Variants in NCF2 observed in about 807,000 individuals in gnomAD.
NCF2 encodes the protein neutrophil cytosolic factor 2.
A neutral mutation model predicts 70.9 loss-of-function variants in NCF2; 45 were observed. The ratio of observed to expected loss-of-function variants is 0.63; its 90% confidence interval spans 0.50 to 0.81. The LOEUF is 0.81. NCF2 is among the 40% of genes least tolerant of loss of function. The pLI, the probability that NCF2 is intolerant of heterozygous loss-of-function variation, is 0.00. For missense variants in NCF2, 522 were observed against 631.6 expected (o/e 0.83, Z 1.86); for synonymous variants, 203 against 233.6 (o/e 0.87, Z 1.19).
chr1:183,563,908 G>T, intron 11 of NCF2, 97 bp downstream of exon 11: 1 of 1,401,982 alleles, frequency 7.1e-7, no homozygotes, highest in East Asian at 2.3e-5. Context: ...CCCTCCCTTT[G>T]GGGCTCTTCC....
In NCF2 at chr1:183,560,137, AG is replaced by A. The variant is rs1671976634; in HGVS notation, c.1426del (p.Leu476TrpfsTer8). On this transcript the variant is annotated frameshift_variant, in exon 14 of 15. Transcript: ENST00000367535. LOFTEE classifies it high-confidence loss of function. Reference protein sequence around the residue: ...FSYEATQPEDLEFQEGDIILV... With the variant: ...FSYEATQPEDXEFQEGDIILV... ...GATTATATCCCCTTCCTGAAACTCC[AG>A]GTCCTCTGGTTGGGTAGCCTCATAA... The A allele has an allele frequency of 1.9e-6, 3 of 1,614,078 alleles. No homozygotes were observed. In the African/African-American group the frequency reaches 4.0e-5, roughly 22 times the overall value.
chr1:183,586,763 G>T (rs1673370872), intron 2 of NCF2, 132 bp downstream of exon 2: 1 of 821,132 alleles, frequency 1.2e-6, no homozygotes, highest in Admixed American at 1.9e-5. Flanking sequence ...TTGCATAACT[G>T]TCCCCAGAAG....
At chr1:183,557,026 A>AT (rs1188307615) in intron 14 of NCF2, among the ~76,000 whole-genome samples, 17 of 152,224 alleles carry the variant, frequency 1.1e-4, no homozygotes, top group African/African-American at 4.1e-4. Context: ...AAATATAAAT[A>AT]TTTTAATAGC....
upstream of NCF2, chr1:183,590,872 A>G (rs2102943461): frequency 5.8e-6 from 1 of 173,772 alleles, no homozygotes; most frequent in Non-Finnish European, 1.3e-5. Flanking sequence ...AGGCTGAAAG[A>G]CTAGGCTACT....
chr1:183,582,258 C>T (rs1400994187), intron 2 of NCF2, among the ~76,000 whole-genome samples: 3 of 152,244 alleles, frequency 2.0e-5, no homozygotes, highest in Non-Finnish European at 4.4e-5. Context: ...CATTTGGAAG[C>T]ATCCCCCAGG....
intron 13 of NCF2, 121 bp from the exon 14 acceptor site, chr1:183,560,394 A>G: frequency 8.8e-7 from 1 of 1,138,052 alleles, no homozygotes; most frequent in Middle Eastern, 2.2e-4. Context: ...AAAGTTTGTG[A>G]TCAGTGCCTT....
In NCF2 at chr1:183,568,630, T is replaced by C. The variant is rs183996746; in HGVS notation, c.713+512A>G. On this transcript the variant is annotated intron_variant, in intron 7 of 14. Transcript: ENST00000367535. The stretch of plus-strand genomic sequence containing the variant: ...TTCCTCTTTACTTCTTCAGAAAGCA[T>C]GTGCCGATAGGGAGTGGAAAACATC... Among the ~76,000 whole-genome samples the C allele has an allele frequency of 2.0e-5, 3 of 151,220 alleles. No individual in the cohort carries two copies. In the East Asian group the frequency reaches 5.8e-4, roughly 29 times the overall value.
At chr1:183,585,177 C>T (rs1673286017) in intron 2 of NCF2, among the ~76,000 whole-genome samples, 1 of 152,166 alleles carries the variant, frequency 6.6e-6, no homozygotes, top group African/African-American at 2.4e-5. Context: ...TCTGACCAAA[C>T]CATAGGATCA....
intron 4 of NCF2, 24 bp downstream of exon 4, chr1:183,574,463 C>T: frequency 1.2e-6 from 2 of 1,614,206 alleles, no homozygotes; most frequent in Non-Finnish European, 8.5e-7. Context: ...ATCCTCTCAA[C>T]ACCTGCATCA....
upstream of NCF2, chr1:183,590,590 G>A (rs1448162456): frequency 1.1e-4 from 60 of 537,444 alleles, no homozygotes; most frequent in Non-Finnish European, 2.0e-5. Flanking sequence ...GAGAGGGCGA[G>A]TAGGGGTGGA....
chr1:183,555,813 C>T lies in NCF2; in HGVS notation c.*305G>A. ...AGTGTGAACACAGCTGGCTAGCTAGCACTCAGAGCAAGAAACAGGATCAGT... is the reference window on the plus strand; with the variant it reads ...AGTGTGAACACAGCTGGCTAGCTAGTACTCAGAGCAAGAAACAGGATCAGT... On this transcript the variant is annotated 3_prime_UTR_variant, in exon 15 of 15. Transcript: ENST00000367535. 2.3e-6 allele frequency: 1 copy of T among 434,568 alleles called. No homozygotes were observed. Among genetic ancestry groups the T allele is most frequent in the East Asian group, 4.3e-5 (1 of 23,026 alleles). 26.9% of individuals were successfully genotyped at this position (434,568 alleles called of 1,614,324 possible).
chr1:183,563,837 T>G, intron 11 of NCF2, 168 bp downstream of exon 11: 2 of 848,440 alleles, frequency 2.4e-6, no homozygotes, highest in Admixed American at 1.8e-5. Flanking sequence ...TGCATGATAG[T>G]GGAGGAGGCT....
chr1:183,577,894 T>A (rs1167838543), intron 2 of NCF2, among the ~76,000 whole-genome samples, 187 bp from the exon 3 acceptor site: 1 of 152,234 alleles, frequency 6.6e-6, no homozygotes, highest in African/African-American at 2.4e-5. Context: ...TTGGGAATGG[T>A]GTTCCCCCCA....
chr1:183,563,956 A>G (rs766403210), intron 11 of NCF2, 49 bp downstream of exon 11: 7 of 1,555,898 alleles, frequency 4.5e-6, no homozygotes, highest in Non-Finnish European at 6.2e-6. Flanking sequence ...TGATAGCCCA[A>G]GCTATCCCAT....
chr1:183,560,105 A>G lies in NCF2; in HGVS notation c.1459T>C (p.Leu487=), dbSNP rs1671974782. 1.9e-6 allele frequency: 3 copies of G among 1,613,900 alleles called. No individual in the cohort carries two copies. Among genetic ancestry groups the G allele is most frequent in the Non-Finnish European group, 1.7e-6 (2 of 1,179,960 alleles). ...EFQEGDIILV[L]SKVNEEWLEG... ...TTGGAGTAGCACTTACCCTTTGATA[A>G]CACCAGGATTATATCCCCTTCCTGA... The change falls in exon 14 of 15, where the codon TTA becomes CTA. Residue 487 remains leucine, a synonymous_variant. Transcript: ENST00000367535.
upstream of NCF2, among the ~76,000 whole-genome samples, chr1:183,592,596 G>T (rs533843234): frequency 5.4e-4 from 83 of 152,316 alleles, no homozygotes; most frequent in African/African-American, 1.9e-3. Context: ...ATTGGTAAAT[G>T]ACCTGCAGGT....
intron 2 of NCF2, among the ~76,000 whole-genome samples, chr1:183,582,230 A>T (rs976027121): frequency 3.2e-4 from 49 of 152,340 alleles, no homozygotes; most frequent in African/African-American, 1.2e-3. Context: ...GCCCTTCTTC[A>T]GCGGTTCTCT....
chr1:183,558,302 CTG>C (rs1364827612), intron 14 of NCF2, among the ~76,000 whole-genome samples: 15 of 151,262 alleles, frequency 9.9e-5, no homozygotes, highest in African/African-American at 3.2e-4. Flanking sequence ...GAGTCTCACT[CTG>C]TAACCCAGGC....
intron 7 of NCF2, chr1:183,567,547 T>C: frequency 1.4e-6 from 1 of 735,894 alleles, no homozygotes; most frequent in East Asian, 2.6e-5. Context: ...CATAACCATA[T>C]ATGCAGAGGG....
Sources: gnomAD v4.1 joint callset for allele counts (sites outside exome capture counted in the v4.1 genomes callset) on GRCh38, gnomAD v4.1.1 for gene constraint, MANE v1.5 for transcripts, NCBI Gene and HGNC (gene_info 2026-07-23, HGNC 2026-07-21) for gene names.